Variants in NCKAP5 observed in about 807,000 individuals in gnomAD.
The protein encoded by NCKAP5 is NCK associated protein 5, also known as nck-associated protein 5.
NCKAP5 carries 92 observed loss-of-function variants against 167.0 expected under a neutral mutation model. The ratio of observed to expected loss-of-function variants is 0.55; its 90% CI spans 0.47 to 0.66. The LOEUF is 0.66. Among genes scored for constraint, NCKAP5 ranks in the 30% least tolerant of loss-of-function variants. NCKAP5 has a pLI of 0.00. For missense variants in NCKAP5, 2,378 were observed against 2,315.0 expected, an observed-to-expected ratio of 1.03 and a Z score of -0.56; for synonymous variants, 891 against 877.4, an observed-to-expected ratio of 1.02 and a Z score of -0.27.
At chr2:133,285,698 T>C (rs1167634220) in intron 4 of NCKAP5, among the ~76,000 whole-genome samples, 1 of 152,182 alleles carries the variant, frequency 6.6e-6, no homozygotes, top group Non-Finnish European at 1.5e-5. Context: ...TCTTAACGTA[T>C]ACCACGGTAA....
intron 10 of NCKAP5, among the ~76,000 whole-genome samples, chr2:132,861,722 C>T (rs986048677): frequency 1.1e-3 from 166 of 152,276 alleles, no homozygotes; most frequent in African/African-American, 3.9e-3. Context: ...CCCTCAATAC[C>T]TGCTCCATTT....
intron 8 of NCKAP5, among the ~76,000 whole-genome samples, chr2:132,944,621 C>T (rs560390207): frequency 5.9e-5 from 9 of 152,302 alleles, no homozygotes; most frequent in Admixed American, 5.2e-4. Flanking sequence ...CTATGGGCTA[C>T]TTTGGGAAGT....
intron 6 of NCKAP5, among the ~76,000 whole-genome samples, chr2:133,107,062 A>G (rs1356360630): frequency 6.6e-6 from 1 of 152,176 alleles, no homozygotes; most frequent in Non-Finnish European, 1.5e-5. Flanking sequence ...GAGTTGTAAA[A>G]AAAAGTCATT....
At chr2:132,974,307 T>C (rs2076915508) in intron 7 of NCKAP5, among the ~76,000 whole-genome samples, 1 of 152,210 alleles carries the variant, frequency 6.6e-6, no homozygotes, top group African/African-American at 2.4e-5. Flanking sequence ...TAAAAAGCTA[T>C]AATTTAGGAC....
chr2:133,206,255 A>G (rs11695854), intron 5 of NCKAP5, among the ~76,000 whole-genome samples: 66,599 of 152,058 alleles, frequency 0.44, 15,482 homozygotes, highest in Non-Finnish European at 0.51. Flanking sequence ...ACATTTTATC[A>G]AATATTTTAT....
At chr2:132,719,856 G>C (rs1689741638) in intron 19 of NCKAP5, among the ~76,000 whole-genome samples, 1 of 152,346 alleles carries the variant, frequency 6.6e-6, no homozygotes, top group African/African-American at 2.4e-5. Flanking sequence ...AGTGAAGACA[G>C]AGAACCTGGG....
intron 6 of NCKAP5, among the ~76,000 whole-genome samples, chr2:133,062,756 A>G (rs1360374505): frequency 2.6e-5 from 4 of 152,216 alleles, no homozygotes; most frequent in African/African-American, 9.6e-5. Flanking sequence ...ACAAAGTTAG[A>G]TTAATTAAAA....
chr2:133,059,902 T>C (rs1314299236), intron 6 of NCKAP5, among the ~76,000 whole-genome samples: 2 of 151,854 alleles, frequency 1.3e-5, no homozygotes, highest in Non-Finnish European at 2.9e-5. Context: ...CAGAAATGAC[T>C]GTTTTACTTT....
At chr2:132,768,483 G>A (rs1023650240) in intron 16 of NCKAP5, among the ~76,000 whole-genome samples, 15 of 152,084 alleles carry the variant, frequency 9.9e-5, no homozygotes, top group East Asian at 1.9e-4. Context: ...ATTTGTGATC[G>A]TTGGTGTTAA....
chr2:133,433,576 A>C (rs1352225309), intron 3 of NCKAP5: 2 of 152,210 alleles, frequency 1.3e-5, no homozygotes, highest in Non-Finnish European at 2.9e-5. Context: ...CCAGTTTTAC[A>C]GGCCAATAAA....
At chr2:132,925,054 C>T (rs911991728) in intron 8 of NCKAP5, among the ~76,000 whole-genome samples, 3 of 152,032 alleles carry the variant, frequency 2.0e-5, no homozygotes, top group African/African-American at 7.2e-5. Flanking sequence ...TGATTTGCTT[C>T]TTTTGGGGGC....
intron 10 of NCKAP5, among the ~76,000 whole-genome samples, chr2:132,868,472 T>C (rs991501912): frequency 6.6e-5 from 10 of 152,268 alleles, no homozygotes; most frequent in East Asian, 1.9e-4. Context: ...TTTTGTAGGG[T>C]CACCACAGCA....
chr2:133,148,553 G>A (rs2083280892), intron 5 of NCKAP5, among the ~76,000 whole-genome samples: 2 of 152,036 alleles, frequency 1.3e-5, no homozygotes, highest in Admixed American at 6.6e-5. Flanking sequence ...CTTAGTATGG[G>A]CTACTATAAC....
chr2:133,166,254 A>G (rs1173494254), intron 5 of NCKAP5, among the ~76,000 whole-genome samples: 2 of 152,196 alleles, frequency 1.3e-5, no homozygotes, highest in Admixed American at 1.3e-4. Context: ...TAAAACCATT[A>G]CTTTAATGTA....
intron 5 of NCKAP5, among the ~76,000 whole-genome samples, chr2:133,138,357 A>G (rs1212809613): frequency 6.6e-6 from 1 of 152,200 alleles, no homozygotes; most frequent in Non-Finnish European, 1.5e-5. Context: ...TGCATAGTCA[A>G]TGGTTTTTAT....
At chr2:133,620,233 T>C in the NCKAP5 span, among the ~76,000 whole-genome samples, 1 of 151,842 alleles carries the variant, frequency 6.6e-6, no homozygotes, top group South Asian at 2.1e-4. Context: ...TAGTATCTCA[T>C]GTCTAATACT....
intron 4 of NCKAP5, among the ~76,000 whole-genome samples, chr2:133,254,214 C>A (rs1373169417): frequency 1.3e-5 from 2 of 152,156 alleles, no homozygotes; most frequent in African/African-American, 4.8e-5. Context: ...AATGCCAGCT[C>A]CAGGACTAAG....
rs144081169 is a variant in NCKAP5 at position 133,520,578 on chromosome 2, T to C, written c.-61-2991A>G. Reference sequence around the variant, plus strand: ...ACTTAAATATTAGATATATTGATCATCCCTTCTGGCAAATATGATTAAACT... The same window carrying C: ...ACTTAAATATTAGATATATTGATCACCCCTTCTGGCAAATATGATTAAACT... On this transcript the variant is annotated intron_variant, in intron 2 of 19. Transcript: ENST00000409261. Among the ~76,000 whole-genome samples the C allele has an allele frequency of 9.7e-4, 148 of 152,264 alleles. 7 individuals carry two copies. In the East Asian group the frequency reaches 0.022, roughly 22 times the overall value.
In NCKAP5 at chr2:132,963,834, T is replaced by G. The variant is rs373127744; in HGVS notation, c.465A>C (p.Glu155Asp). ...KLSEEERKHKEALEDLHMVVD... is the reference protein window; with the variant it reads ...KLSEEERKHKDALEDLHMVVD... Reference sequence around the variant, plus strand: ...CCACCATGTGAAGATCTTCCAAAGCTTCCTTATGTTTTCTCTCTTCCTCTG... The same window carrying G: ...CCACCATGTGAAGATCTTCCAAAGCGTCCTTATGTTTTCTCTCTTCCTCTG... The change falls in exon 8 of 20, where the codon GAA becomes GAC. Residue 155 changes from glutamate (E) to aspartate (D), a missense_variant. Coordinates refer to ENST00000409261, the MANE Select transcript of NCKAP5 (RefSeq NM_207363.3). 1.2e-6 allele frequency: 2 copies of G among 1,613,888 alleles called. No individual in the cohort carries two copies. The highest frequency in any genetic ancestry group is 1.7e-6 in the Non-Finnish European group (2 of 1,179,834).
Sources: allele counts gnomAD v4.1 joint callset (sites outside exome capture counted in the v4.1 genomes callset), GRCh38; gene constraint gnomAD v4.1.1; transcripts MANE v1.5; gene names NCBI Gene and HGNC (gene_info 2026-07-23, HGNC 2026-07-21).